TOX2: variants seen among roughly 807,000 people sequenced by gnomAD.
TOX2 encodes TOX high mobility group box family member 2.
Under a neutral mutation model 47.4 loss-of-function variants are expected in TOX2, and 15 were observed. The observed-to-expected ratio is 0.32, with a 90% CI of 0.21 to 0.49. TOX2 has a LOEUF of 0.49. TOX2 is among the 20% of genes least tolerant of loss of function. TOX2 has a pLI of 0.99. For missense variants in TOX2, 622 were observed against 673.1 expected (o/e 0.92, Z 0.84); for synonymous variants, 290 against 296.6 (o/e 0.98, Z 0.23).
chr20:43,928,985 A>G (rs1228211660), intron 1 of TOX2, among the ~76,000 whole-genome samples: 1 of 149,992 alleles, frequency 6.7e-6, no homozygotes, highest in East Asian at 1.9e-4. Context: ...AAATATGAAA[A>G]AAAAAAAAAA....
chr20:44,033,516 C>T (rs2071188667), intron 3 of TOX2, among the ~76,000 whole-genome samples: 1 of 152,084 alleles, frequency 6.6e-6, no homozygotes, highest in Non-Finnish European at 1.5e-5. Context: ...GCATATGGCT[C>T]TGGTTTATTT....
At chr20:44,002,706 G>T (rs1306405731) in intron 2 of TOX2, among the ~76,000 whole-genome samples, 1 of 152,172 alleles carries the variant, frequency 6.6e-6, no homozygotes, top group East Asian at 1.9e-4. Flanking sequence ...GCCTCAGGAA[G>T]CTTTTACTCC....
intron 2 of TOX2, among the ~76,000 whole-genome samples, chr20:43,974,863 C>A (rs948096637): frequency 6.6e-6 from 1 of 152,224 alleles, no homozygotes; most frequent in African/African-American, 2.4e-5. Flanking sequence ...GCCGGGGCCA[C>A]CATACCATGC....
At chr20:44,054,259 T>A in intron 4 of TOX2, 40 bp from the exon 5 acceptor site, 1 of 1,566,668 alleles carries the variant, frequency 6.4e-7, no homozygotes, top group Non-Finnish European at 8.7e-7. Flanking sequence ...CAGGAGGCCC[T>A]TGGGCTTCTT....
At chr20:44,013,270 C>T (rs940678164) in intron 3 of TOX2, among the ~76,000 whole-genome samples, 1 of 152,132 alleles carries the variant, frequency 6.6e-6, no homozygotes, top group Non-Finnish European at 1.5e-5. Flanking sequence ...GATATACCTC[C>T]TAACACCTCC....
intron 3 of TOX2, among the ~76,000 whole-genome samples, chr20:44,026,416 A>G (rs1403197767): frequency 6.6e-6 from 1 of 151,358 alleles, no homozygotes; most frequent in Admixed American, 6.6e-5. Context: ...CTAAGCTATG[A>G]GGATGCAAAG....
intron 3 of TOX2, among the ~76,000 whole-genome samples, chr20:44,010,665 G>GTTAACACCTGCTGGGTT (rs2070764207): frequency 6.6e-6 from 1 of 152,184 alleles, no homozygotes; most frequent in South Asian, 2.1e-4. Context: ...TGGAATTGGT[G>GTTAACACCTGCTGGGTT]TTAACACCTG....
chr20:44,002,593 A>G (rs1452100027), intron 2 of TOX2, among the ~76,000 whole-genome samples: 1 of 152,196 alleles, frequency 6.6e-6, no homozygotes, highest in Admixed American at 6.5e-5. Context: ...GCTATAAAGG[A>G]ATACTTGAGA....
chr20:44,064,907 G>A (rs759597084), intron 6 of TOX2, 50 bp downstream of exon 6: 25 of 1,571,658 alleles, frequency 1.6e-5, no homozygotes, highest in Non-Finnish European at 2.1e-5. Context: ...GGGGCCACTT[G>A]AGGAATGGAG....
intron 1 of TOX2, among the ~76,000 whole-genome samples, chr20:43,925,227 C>T (rs1025783799): frequency 2.6e-5 from 4 of 151,848 alleles, no homozygotes; most frequent in Non-Finnish European, 5.9e-5. Flanking sequence ...TGGTGATTCT[C>T]GGTTGACATT....
intron 3 of TOX2, among the ~76,000 whole-genome samples, chr20:44,026,248 T>TACACAC (rs750976068): frequency 1.5e-5 from 1 of 67,726 alleles, no homozygotes; most frequent in South Asian, 4.6e-4. Flanking sequence ...TATATATATA[T>TACACAC]AGACACACAC....
At chr20:43,971,204 G>A (rs2069959488) in intron 1 of TOX2, among the ~76,000 whole-genome samples, 1 of 152,142 alleles carries the variant, frequency 6.6e-6, no homozygotes, top group African/African-American at 2.4e-5. Flanking sequence ...ACTGTTCTAG[G>A]AGCTTGGGAG....
chr20:44,039,207 T>G (rs1190367311), intron 3 of TOX2: 1 of 1,285,930 alleles, frequency 7.8e-7, no homozygotes, highest in Non-Finnish European at 1.0e-6. Flanking sequence ...AGGGAAGGCT[T>G]CTCTGAGGAG....
intron 1 of TOX2, among the ~76,000 whole-genome samples, chr20:43,926,085 G>A (rs919953657): frequency 6.6e-5 from 10 of 152,268 alleles, no homozygotes; most frequent in Admixed American, 2.6e-4. Flanking sequence ...GAAACTTGTC[G>A]GAAATGAATC....
At chr20:43,995,536 G>T (rs1454363230) in intron 2 of TOX2, among the ~76,000 whole-genome samples, 2 of 152,076 alleles carry the variant, frequency 1.3e-5, no homozygotes, top group African/African-American at 4.8e-5. Context: ...TTTATTTTAG[G>T]TTCAGGGGTA....
At chr20:43,923,790 T>A (rs2069136575) in intron 1 of TOX2, among the ~76,000 whole-genome samples, 1 of 152,094 alleles carries the variant, frequency 6.6e-6, no homozygotes, top group Admixed American at 6.5e-5. Flanking sequence ...TGTGGGGAAG[T>A]TCTCTGCGGT....
chr20:44,045,350 TAAA>T (rs869031231), intron 3 of TOX2, among the ~76,000 whole-genome samples: 1 of 82,876 alleles, frequency 1.2e-5, no homozygotes, highest in Non-Finnish European at 2.9e-5. Flanking sequence ...TACAAAGTTG[TAAA>T]ATAAATAGCC....
intron 2 of TOX2, among the ~76,000 whole-genome samples, chr20:43,996,838 G>T (rs2070489522): frequency 6.6e-6 from 1 of 152,088 alleles, no homozygotes; most frequent in Non-Finnish European, 1.5e-5. Flanking sequence ...TAACTCCAAA[G>T]CCAGAGCTCT....
At chr20:43,968,813 C>T (rs1259242873) in intron 1 of TOX2, among the ~76,000 whole-genome samples, 3 of 152,166 alleles carry the variant, frequency 2.0e-5, no homozygotes, top group African/African-American at 7.2e-5. Flanking sequence ...AGAGGATGTT[C>T]TCCTGGCGTT....
Sources: allele counts gnomAD v4.1 joint callset (sites outside exome capture counted in the v4.1 genomes callset), GRCh38; gene constraint gnomAD v4.1.1; transcripts MANE v1.5; gene names NCBI Gene and HGNC (gene_info 2026-07-23, HGNC 2026-07-21).